The following SHANK2 variants were observed in gnomAD, a reference collection of about 807,000 sequenced individuals.
The protein encoded by SHANK2 is SH3 and multiple ankyrin repeat domains 2, also known as SH3 and multiple ankyrin repeat domains protein 2.
Under a neutral mutation model 133.7 loss-of-function variants are expected in SHANK2, and 43 were observed. The ratio of observed to expected loss-of-function variants is 0.32; its 90% confidence interval spans 0.25 to 0.41. The LOEUF (loss-of-function observed/expected upper bound fraction) is 0.41, where lower values mean the gene tolerates loss of function less well. Ranked by LOEUF, SHANK2 falls within the 10% of genes least tolerant of loss-of-function variation. The pLI, the probability that SHANK2 is intolerant of heterozygous loss-of-function variation, is 1.00. For missense variants in SHANK2, 1,994 were observed against 2,235.8 expected, an observed-to-expected ratio of 0.89 and a Z score of 2.18; for synonymous variants, 1,017 against 952.8, an observed-to-expected ratio of 1.07 and a Z score of -1.24.
At chr11:70,580,624 C>A (rs1177964643) in intron 17 of SHANK2, among the ~76,000 whole-genome samples, 2 of 152,210 alleles carry the variant, frequency 1.3e-5, no homozygotes, top group Admixed American at 6.5e-5. Context: ...GGTGTTTTGC[C>A]AGGACCAAGG....
At chr11:70,939,445 T>C (rs941560180) in intron 10 of SHANK2, among the ~76,000 whole-genome samples, 1 of 152,126 alleles carries the variant, frequency 6.6e-6, no homozygotes, top group Non-Finnish European at 1.5e-5. Context: ...GCCATTGCAC[T>C]CCAGCCTGGG....
chr11:71,210,439 C>T (rs1050704638), intron 2 of SHANK2, among the ~76,000 whole-genome samples: 8 of 150,832 alleles, frequency 5.3e-5, no homozygotes, highest in South Asian at 2.1e-4. Context: ...TTAGTAGAGA[C>T]GGGGTTTCAC....
intron 10 of SHANK2, chr11:70,950,119 G>A (rs1555086216): frequency 1.8e-5 from 8 of 456,206 alleles, no homozygotes; most frequent in South Asian, 6.2e-5. Context: ...ATGCAATGGC[G>A]CTGACCTCAG....
At chr11:70,743,707 G>A (rs1254886711) in intron 14 of SHANK2, among the ~76,000 whole-genome samples, 1 of 152,176 alleles carries the variant, frequency 6.6e-6, no homozygotes, top group African/African-American at 2.4e-5. Flanking sequence ...GTTGCTCCAT[G>A]TCCCCCTCAC....
At chr11:70,643,035 A>C (rs1323411054) in intron 17 of SHANK2, among the ~76,000 whole-genome samples, 1 of 152,220 alleles carries the variant, frequency 6.6e-6, no homozygotes, top group African/African-American at 2.4e-5. Flanking sequence ...CATGTATCAA[A>C]ACGTCACATG....
chr11:71,071,451 C>T lies in SHANK2; in HGVS notation c.1029+3708G>A, dbSNP rs890201667. On this transcript the variant is annotated intron_variant, in intron 9 of 25. Transcript: ENST00000601538. ...GCTTATGCCTCTGATGATATCCACACGTGCTTCCTCTCAGGTGGACCCAAG... is the reference window on the plus strand; with the variant it reads ...GCTTATGCCTCTGATGATATCCACATGTGCTTCCTCTCAGGTGGACCCAAG... Among the ~76,000 whole-genome samples the T allele has an allele frequency of 1.4e-3, 217 of 152,356 alleles. 1 individual carries two copies. Among genetic ancestry groups the T allele is most frequent in the African/African-American group, 4.5e-3 (188 of 41,578 alleles).
chr11:70,921,475 G>A (rs1555080673), intron 10 of SHANK2, among the ~76,000 whole-genome samples: 1 of 152,244 alleles, frequency 6.6e-6, no homozygotes, highest in Non-Finnish European at 1.5e-5. Flanking sequence ...AGACCCGAAG[G>A]GGAGTTGTCT....
intron 14 of SHANK2, among the ~76,000 whole-genome samples, chr11:70,762,150 T>C (rs1947010583): frequency 6.6e-6 from 1 of 152,242 alleles, no homozygotes; most frequent in Non-Finnish European, 1.5e-5. Flanking sequence ...GAATATTTCA[T>C]CTTTAAAGCA....
intron 9 of SHANK2, among the ~76,000 whole-genome samples, chr11:71,057,819 G>T (rs1034286947): frequency 1.3e-5 from 2 of 151,576 alleles, no homozygotes; most frequent in Admixed American, 1.3e-4. Context: ...AAAATGCTGG[G>T]ATTATAGGCG....
At chr11:70,814,340 A>G (rs1555053820) in intron 12 of SHANK2, among the ~76,000 whole-genome samples, 1 of 148,404 alleles carries the variant, frequency 6.7e-6, no homozygotes, top group African/African-American at 2.5e-5. Flanking sequence ...AAAAAAAAAG[A>G]AAGTCAGGGC....
chr11:70,756,723 C>A (rs1946880849), intron 14 of SHANK2, among the ~76,000 whole-genome samples: 1 of 152,214 alleles, frequency 6.6e-6, no homozygotes, highest in Non-Finnish European at 1.5e-5. Flanking sequence ...CAGGCAGCCC[C>A]ACACCCCTAT....
chr11:70,528,200 C>G (rs782532806), intron 17 of SHANK2, among the ~76,000 whole-genome samples: 4 of 152,236 alleles, frequency 2.6e-5, no homozygotes, highest in Admixed American at 6.5e-5. Context: ...GCCGAGACCC[C>G]GTCCCCAGGC....
chr11:70,504,085 A>G (rs566435908), intron 17 of SHANK2, among the ~76,000 whole-genome samples: 150 of 152,364 alleles, frequency 9.8e-4, no homozygotes, highest in Non-Finnish European at 1.6e-3. Flanking sequence ...TGAAGTTTAC[A>G]GCTGCTTCAC....
At chr11:70,590,301 C>T (rs1437608090) in intron 17 of SHANK2, among the ~76,000 whole-genome samples, 16 of 152,176 alleles carry the variant, frequency 1.1e-4, no homozygotes, top group African/African-American at 3.6e-4. Flanking sequence ...ATGGAATCTA[C>T]TCCTGGTAAA....
rs1491563939 is a variant in SHANK2 at position 71,210,210 on chromosome 11, G to GTGTATATATATGTA, written c.-13+14486_-13+14487insTACATATATATACA. ...GGTCCTCTTCATTGGAAATCCACAG[G>GTGTATATATATGTA]TATATATATATATATATATATATAT... On this transcript the variant is annotated intron_variant, in intron 2 of 25. Transcript: ENST00000601538. Among the ~76,000 whole-genome samples, 33 of 54,060 alleles carry GTGTATATATATGTA rather than the reference G, an allele frequency of 6.1e-4. 1 individual carries two copies. The highest frequency in any genetic ancestry group is 4.2e-3 in the East Asian group (4 of 944). 35.5% of individuals were successfully genotyped at this position (54,060 alleles called of 152,430 possible). A position where few individuals can be genotyped will look rare whatever the true frequency, so the allele number is the denominator to read the frequency against.
At chr11:70,797,645 G>A (rs530927596) in intron 14 of SHANK2, among the ~76,000 whole-genome samples, 10 of 152,318 alleles carry the variant, frequency 6.6e-5, no homozygotes, top group East Asian at 3.9e-4. Context: ...CAATGGGCCC[G>A]TTTGGACAGA....
intron 17 of SHANK2, among the ~76,000 whole-genome samples, chr11:70,537,466 G>A (rs1239028733): frequency 6.6e-6 from 1 of 152,278 alleles, no homozygotes; most frequent in Admixed American, 6.5e-5. Context: ...GGCATGTGGA[G>A]ATGAAGTCAG....
chr11:70,907,902 G>C (rs782009697), intron 10 of SHANK2: 3 of 453,784 alleles, frequency 6.6e-6, no homozygotes. Flanking sequence ...AAGAGTTCGA[G>C]ACCAGTCTGG....
intron 11 of SHANK2, among the ~76,000 whole-genome samples, chr11:70,871,855 T>C (rs1237314757): frequency 6.6e-6 from 1 of 152,170 alleles, no homozygotes; most frequent in Non-Finnish European, 1.5e-5. Context: ...CGATTTCTAT[T>C]AATATTTAAG....
Sources: gnomAD v4.1 joint callset for allele counts (sites outside exome capture counted in the v4.1 genomes callset) on GRCh38, gnomAD v4.1.1 for gene constraint, MANE v1.5 for transcripts, NCBI Gene and HGNC (gene_info 2026-07-23, HGNC 2026-07-21) for gene names.